Variants in PXDNL observed in about 807,000 individuals in gnomAD.
PXDNL encodes peroxidasin like.
PXDNL carries 145 observed loss-of-function variants against 150.8 expected under a neutral mutation model. The observed-to-expected ratio is 0.96, with a 90% CI of 0.84 to 1.10. PXDNL has a LOEUF of 1.10. Among genes scored for constraint, PXDNL ranks in the 50% least tolerant of loss-of-function variants. The pLI is 0.00. For synonymous variants in PXDNL, 757 were observed against 725.7 expected, an observed-to-expected ratio of 1.04 and a Z score of -0.69; for missense variants, 2,087 against 1,873.9, an observed-to-expected ratio of 1.11 and a Z score of -2.10.
In PXDNL at chr8:51,374,751, A is replaced by G. The variant is rs374728029; in HGVS notation, c.3558-20T>C. ...TACAACCTGGAACAGAGACAGGCAG[A>G]CAGCGCACACCTGAGACTGAAAGTG... On this transcript the variant is annotated intron_variant, in intron 17 of 22. Coordinates refer to ENST00000356297, the MANE Select transcript of PXDNL (RefSeq NM_144651.5). The G allele has an allele frequency of 2.5e-6, 4 of 1,612,800 alleles. No individual in the cohort carries two copies. The highest frequency in any genetic ancestry group is 3.4e-6 in the Non-Finnish European group (4 of 1,179,242).
chr8:51,465,792 C>T (rs770622012), intron 8 of PXDNL, among the ~76,000 whole-genome samples: 12 of 151,994 alleles, frequency 7.9e-5, no homozygotes, highest in Non-Finnish European at 1.6e-4. Context: ...TGTAATCTCA[C>T]TTACAATAGC....
At chr8:51,336,524 G>T (rs766454110) in intron 21 of PXDNL, among the ~76,000 whole-genome samples, 1 of 152,172 alleles carries the variant, frequency 6.6e-6, no homozygotes, top group Non-Finnish European at 1.5e-5. Flanking sequence ...TCAAAAGACC[G>T]TTGGCCCTCA....
At chr8:51,376,204 T>G (rs1240377339) in intron 17 of PXDNL, among the ~76,000 whole-genome samples, 1 of 152,194 alleles carries the variant, frequency 6.6e-6, no homozygotes, top group Non-Finnish European at 1.5e-5. Context: ...GATGTACAAT[T>G]CATACATCCA....
At chr8:51,785,635 T>C (rs1254341052) in intron 1 of PXDNL, among the ~76,000 whole-genome samples, 1 of 152,208 alleles carries the variant, frequency 6.6e-6, no homozygotes, top group African/African-American at 2.4e-5. Context: ...ATCATTGTAA[T>C]TGTTTGGGGG....
At chr8:51,427,872 G>A (rs1277445660) in intron 12 of PXDNL, among the ~76,000 whole-genome samples, 1 of 152,134 alleles carries the variant, frequency 6.6e-6, no homozygotes, top group Non-Finnish European at 1.5e-5. Flanking sequence ...GCAAGTTCTA[G>A]CCTGTGCACC....
chr8:51,654,023 G>C (rs908379574), intron 2 of PXDNL, among the ~76,000 whole-genome samples: 4 of 152,120 alleles, frequency 2.6e-5, no homozygotes, highest in Non-Finnish European at 4.4e-5. Flanking sequence ...TTGGGTGTTG[G>C]CTACCTGACT....
intron 2 of PXDNL, among the ~76,000 whole-genome samples, chr8:51,639,210 A>G (rs943477827): frequency 3.3e-5 from 5 of 152,228 alleles, no homozygotes; most frequent in Non-Finnish European, 4.4e-5. Flanking sequence ...CAGTGTGTAG[A>G]GGGAAATTTA....
chr8:51,774,298 G>C (rs1368108922), intron 1 of PXDNL, among the ~76,000 whole-genome samples: 1 of 152,058 alleles, frequency 6.6e-6, no homozygotes, highest in Non-Finnish European at 1.5e-5. Context: ...AAAATTAAAA[G>C]GAATGTAACT....
intron 1 of PXDNL, among the ~76,000 whole-genome samples, chr8:51,755,293 GTT>G: frequency 9.6e-6 from 1 of 104,596 alleles, no homozygotes; most frequent in African/African-American, 3.4e-5. Context: ...GGAATAGAAT[GTT>G]TTGTTTTTTT....
chr8:51,531,741 T>C (rs1376926269), intron 4 of PXDNL, among the ~76,000 whole-genome samples: 2 of 152,062 alleles, frequency 1.3e-5, no homozygotes, highest in Non-Finnish European at 2.9e-5. Context: ...TGAGGAATGG[T>C]GGAGAGAATC....
At chr8:51,788,111 A>AT in intron 1 of PXDNL, among the ~76,000 whole-genome samples, 1 of 152,284 alleles carries the variant, frequency 6.6e-6, no homozygotes, top group East Asian at 1.9e-4. Context: ...TAGTGTAAAC[A>AT]TAACTTTTAT....
intron 5 of PXDNL, among the ~76,000 whole-genome samples, chr8:51,487,035 G>A (rs987775449): frequency 2.6e-5 from 4 of 151,282 alleles, no homozygotes; most frequent in South Asian, 2.1e-4. Flanking sequence ...CCTCGTGATC[G>A]GCCCGCCCCG....
chr8:51,748,043 T>C (rs2037005930), intron 1 of PXDNL, among the ~76,000 whole-genome samples: 1 of 152,160 alleles, frequency 6.6e-6, no homozygotes, highest in African/African-American at 2.4e-5. Context: ...AATGAGTTAA[T>C]ATATTGAGAA....
intron 4 of PXDNL, among the ~76,000 whole-genome samples, chr8:51,508,216 T>C (rs1021477928): frequency 6.6e-6 from 1 of 152,182 alleles, no homozygotes; most frequent in African/African-American, 2.4e-5. Context: ...CAATCGTCTC[T>C]TGTCACAAGG....
At position 51,428,236 on chromosome 8, in the gene PXDNL, A is replaced by C. The variant is rs1247753978; in HGVS notation, c.1526-1478T>G. On this transcript the variant is annotated intron_variant, in intron 12 of 22. Coordinates refer to ENST00000356297, the MANE Select transcript of PXDNL (RefSeq NM_144651.5). Reference sequence around the variant, plus strand: ...AATCAAAGATTTAAAAAAATGAATAAGCATATATGCATGGATTGAAAGTCT... The same window carrying C: ...AATCAAAGATTTAAAAAAATGAATACGCATATATGCATGGATTGAAAGTCT... Among the ~76,000 whole-genome samples the C allele has an allele frequency of 3.3e-5, 5 of 152,370 alleles. No individual in the cohort carries two copies. In the East Asian group the frequency reaches 5.8e-4, roughly 18 times the overall value.
intron 1 of PXDNL, among the ~76,000 whole-genome samples, chr8:51,681,845 A>G (rs1047312678): frequency 6.6e-6 from 1 of 152,186 alleles, no homozygotes; most frequent in South Asian, 2.1e-4. Context: ...AGTGGGCACC[A>G]TGTTTCCACT....
chr8:51,503,204 A>G (rs1399217148), intron 4 of PXDNL, among the ~76,000 whole-genome samples: 3 of 152,124 alleles, frequency 2.0e-5, no homozygotes, highest in Non-Finnish European at 4.4e-5. Flanking sequence ...TTTCTGCTGG[A>G]CTTCAATCTA....
chr8:51,711,621 A>G (rs777044641), intron 1 of PXDNL, among the ~76,000 whole-genome samples: 3 of 152,266 alleles, frequency 2.0e-5, no homozygotes, highest in Non-Finnish European at 4.4e-5. Context: ...TCTAAAAACT[A>G]CATGTATTCT....
intron 5 of PXDNL, among the ~76,000 whole-genome samples, chr8:51,484,461 A>T (rs1234255676): frequency 6.7e-6 from 1 of 150,316 alleles, no homozygotes; most frequent in Non-Finnish European, 1.5e-5. Flanking sequence ...GCACAACAAT[A>T]TATGACAACA....
Sources: gnomAD v4.1 joint callset for allele counts (sites outside exome capture counted in the v4.1 genomes callset) on GRCh38, gnomAD v4.1.1 for gene constraint, MANE v1.5 for transcripts, NCBI Gene and HGNC (gene_info 2026-07-23, HGNC 2026-07-21) for gene names.